Variants in SEL1L observed in about 807,000 individuals in gnomAD.
SEL1L encodes the protein SEL1L adaptor subunit of SYVN1 ubiquitin ligase.
SEL1L carries 52 observed loss-of-function variants against 109.8 expected under a neutral mutation model. The observed-to-expected ratio is 0.47, with a 90% CI of 0.38 to 0.60. The LOEUF (loss-of-function observed/expected upper bound fraction) is 0.60. SEL1L is among the 20% of genes least tolerant of loss of function. The pLI is 0.00. For synonymous variants in SEL1L, 373 were observed against 339.6 expected (o/e 1.10, Z -1.08); for missense variants, 749 against 962.2 (o/e 0.78, Z 2.93).
Position 81,486,469 on chromosome 14 carries a change from G to GAAAAAAAAAA in SEL1L, c.1633-16_1633-15insTTTTTTTTTT. 6.2e-7 allele frequency: 1 copy of GAAAAAAAAAA among 1,600,678 alleles called. No individual in the cohort carries two copies. The highest frequency in any genetic ancestry group is 8.5e-7 in the Non-Finnish European group (1 of 1,174,008). ...TTCTTAAACAACTGTGTGAGGTGGG[G>GAAAAAAAAAA]AAAAAAAATATCAGTAGAAGAAAAT... On this transcript the variant is annotated splice_polypyrimidine_tract_variant and intron_variant, in intron 16 of 20. Coordinates refer to ENST00000336735, the MANE Select transcript of SEL1L (RefSeq NM_005065.6).
At chr14:81,496,054 T>G (rs899442166) in intron 10 of SEL1L, among the ~76,000 whole-genome samples, 7 of 151,700 alleles carry the variant, frequency 4.6e-5, no homozygotes, top group African/African-American at 1.7e-4. Context: ...CCGGGCGCGG[T>G]GCCTCACGCC....
intron 3 of SEL1L, 23 bp from the exon 4 acceptor site, chr14:81,506,264 T>A (rs17847450): frequency 6.5e-7 from 1 of 1,549,084 alleles, no homozygotes; most frequent in Non-Finnish European, 8.7e-7. Flanking sequence ...GAAATAAAAA[T>A]CTAAACATGA....
intron 8 of SEL1L, 103 bp downstream of exon 8, chr14:81,499,356 T>A (rs1228440038): frequency 1.3e-5 from 20 of 1,517,164 alleles, no homozygotes; most frequent in Non-Finnish European, 1.8e-5. Context: ...TTGGTCTTAA[T>A]ACAAGCAAAT....
At chr14:81,507,038 CAT>C (rs950347586) in intron 3 of SEL1L, among the ~76,000 whole-genome samples, 24 of 152,216 alleles carry the variant, frequency 1.6e-4, no homozygotes, top group African/African-American at 5.8e-4. Context: ...ATGAAAGGCT[CAT>C]GGGTGGGGTG....
chr14:81,490,371 C>A lies in SEL1L; in HGVS notation c.1332+17G>T. On this transcript the variant is annotated intron_variant, in intron 13 of 20. Coordinates refer to ENST00000336735, the MANE Select transcript of SEL1L (RefSeq NM_005065.6). ...GTAATATGGTACACATTTCAGTACA[C>A]TGAGACAAAGCCTTACCATGTCAGC... The A allele has an allele frequency of 6.3e-7, 1 of 1,593,666 alleles. No individual in the cohort carries two copies. Among genetic ancestry groups the A allele is most frequent in the Non-Finnish European group, 8.6e-7 (1 of 1,161,862 alleles).
chr14:81,479,680 C>T lies in SEL1L; in HGVS notation c.2107G>A (p.Val703Ile). 1 of 1,614,122 alleles carries T rather than the reference C, an allele frequency of 6.2e-7. No individual in the cohort carries two copies. Among genetic ancestry groups the T allele is most frequent in the Non-Finnish European group, 8.5e-7 (1 of 1,179,986 alleles). ...TTGCAGAGGGCTAGGAAGACTGGAA[C>T]TTGTGCATCTGGGCTGGCTTCAGCT... ...MAAEASPDAQ[V>I]PVFLALCKLG... Residue 703 changes from valine to isoleucine, a missense_variant, in exon 20 of 21, where the codon GTT becomes ATT. By Grantham distance (29) the Val-to-Ile change is conservative. Around this residue, in one of 2 missense-constraint regions of SEL1L, gnomAD observed 383 missense variants for 562.5 expected, o/e 0.68. Coordinates refer to ENST00000336735, the MANE Select transcript of SEL1L (RefSeq NM_005065.6).
At position 81,502,733 on chromosome 14, in the gene SEL1L, G is replaced by A. The variant is rs747475609; in HGVS notation, c.765C>T (p.Pro255=). 3 of 1,613,844 alleles carry A rather than the reference G, an allele frequency of 1.9e-6. No individual in the cohort carries two copies. In the South Asian group the frequency reaches 3.3e-5, roughly 18 times the overall value. ...MFEKLTEEGS[P]KGQTALGFLY... is the part of the protein sequence containing the mutation. ...AGAATGTACTTACAGTCTGTCCCTT[G>A]GGAGAGCCTTCCTCAGTCAGCTTCT... is the stretch of plus-strand genomic sequence containing the variant. Residue 255 remains proline, a synonymous_variant, in exon 6 of 21, where the codon CCC becomes CCT. Coordinates refer to ENST00000336735, the MANE Select transcript of SEL1L (RefSeq NM_005065.6).
Position 81,481,003 on chromosome 14 carries a change from A to G in SEL1L, c.2047-1263T>C, listed in dbSNP as rs572793624. 5.3e-5 allele frequency among the ~76,000 whole-genome samples: 8 copies of G among 152,048 alleles called. No homozygotes were observed. The East Asian group carries it at 1.5e-3, about 29-fold the overall frequency. ...CCTCAAGTGCATTGCCCTGGGGTGT[A>G]GAAACCTCAGGGGCTACCACCGGAA... is the stretch of plus-strand genomic sequence containing the variant. On this transcript the variant is annotated intron_variant, in intron 19 of 20. Coordinates refer to ENST00000336735, the MANE Select transcript of SEL1L (RefSeq NM_005065.6).
chr14:81,488,864 G>C (rs1254558665), intron 14 of SEL1L: 1 of 246,976 alleles, frequency 4.0e-6, no homozygotes, highest in African/African-American at 2.3e-5. Context: ...TAGCTAGAAG[G>C]GGTAAAGGGC....
intron 5 of SEL1L, among the ~76,000 whole-genome samples, chr14:81,503,890 TTTTTG>T (rs1884119511): frequency 6.6e-6 from 1 of 152,188 alleles, no homozygotes; most frequent in Non-Finnish European, 1.5e-5. Context: ...ACAACAATTC[TTTTTG>T]TTTTATGTCA....
intron 3 of SEL1L, among the ~76,000 whole-genome samples, chr14:81,510,536 T>C (rs1316526264): frequency 9.0e-6 from 1 of 111,580 alleles, no homozygotes; most frequent in African/African-American, 3.3e-5. Context: ...ATATAGACAA[T>C]TAAAGGCTAG....
chr14:81,473,581 T>C lies in SEL1L; in HGVS notation c.*3391A>G, dbSNP rs557864617. The C allele has an allele frequency of 6.6e-6, 1 of 152,322 alleles. No individual in the cohort carries two copies. The highest frequency in any genetic ancestry group is 6.5e-5 in the Admixed American group (1 of 15,308). The allele number at this position is 152,322 out of a possible 1,614,324, so 9.4% of individuals were successfully genotyped here. ...CATAATAATGTGTAATACATATATA[T>C]ATTATGAGATTCACTTTCAAAACAA... On this transcript the variant is annotated 3_prime_UTR_variant, in exon 21 of 21. Coordinates refer to ENST00000336735, the MANE Select transcript of SEL1L (RefSeq NM_005065.6).
rs1394320616 is a variant in SEL1L at position 81,502,748 on chromosome 14, A to G, written c.750T>C (p.Thr250=). The change falls in exon 6 of 21, where the codon ACT becomes ACC. Residue 250 remains threonine, a synonymous_variant. Transcript: ENST00000336735. ...QAAREMFEKL[T]EEGSPKGQTA... is the part of the protein sequence containing the mutation. ...TCTGTCCCTTGGGAGAGCCTTCCTC[A>G]GTCAGCTTCTCAAACATCTCTCTCG... 1 of 1,614,068 alleles carries G rather than the reference A, an allele frequency of 6.2e-7. No individual in the cohort carries two copies. The highest frequency in any genetic ancestry group is 1.1e-5 in the South Asian group (1 of 91,064).
rs534202207 is a variant in SEL1L at position 81,527,719 on chromosome 14, A to T, written c.90T>A (p.Asp30Glu). 1 of 1,604,024 alleles carries T rather than the reference A, an allele frequency of 6.2e-7. No individual in the cohort carries two copies. The highest frequency in any genetic ancestry group is 1.3e-5 in the African/African-American group (1 of 74,608). ...TACATACCTTGGAATCTAAGGATTC[A>T]TCCTGGCTGCCTTCTTCATCTGCAA... ...SASSDEEGSQDESLDSKTTLT... is the reference protein window; with the variant it reads ...SASSDEEGSQEESLDSKTTLT... Residue 30 changes from aspartate to glutamate, a missense_variant, in exon 2 of 21, where the codon GAT becomes GAA. By Grantham distance (45) the Asp-to-Glu change is conservative. Transcript: ENST00000336735.
intron 3 of SEL1L, among the ~76,000 whole-genome samples, chr14:81,519,977 C>T (rs1187573067): frequency 2.0e-5 from 3 of 152,126 alleles, no homozygotes; most frequent in African/African-American, 7.2e-5. Context: ...CATACTTCAT[C>T]TCTCAGGCAA....
chr14:81,483,639 C>A (rs1457358340), intron 19 of SEL1L, among the ~76,000 whole-genome samples: 1 of 152,030 alleles, frequency 6.6e-6, no homozygotes, highest in African/African-American at 2.4e-5. Context: ...TATTTAGATT[C>A]TATTGGATAT....
chr14:81,509,192 T>A (rs940644560), intron 3 of SEL1L, among the ~76,000 whole-genome samples: 1 of 152,224 alleles, frequency 6.6e-6, no homozygotes, highest in Non-Finnish European at 1.5e-5. Flanking sequence ...AAATCGATTA[T>A]CTCAAACAGA....
At chr14:81,508,362 A>T (rs546383178) in intron 3 of SEL1L, among the ~76,000 whole-genome samples, 1 of 152,242 alleles carries the variant, frequency 6.6e-6, no homozygotes, top group South Asian at 2.1e-4. Flanking sequence ...CTTTAGCAAC[A>T]ACTTCAGAGG....
In SEL1L at chr14:81,484,132, T is replaced by C. The variant is rs374486932; in HGVS notation, c.2046+93A>G. ...ATAATTTAGTGGCCTGAAATCCAACTGAATGTCAAGGAAAGTCTATTTTCT... is the reference window on the plus strand; with the variant it reads ...ATAATTTAGTGGCCTGAAATCCAACCGAATGTCAAGGAAAGTCTATTTTCT... On this transcript the variant is annotated intron_variant, in intron 19 of 20. Transcript: ENST00000336735. 190 of 1,336,696 alleles carry C rather than the reference T, an allele frequency of 1.4e-4. No individual in the cohort carries two copies. In the African/African-American group the frequency reaches 2.5e-3, roughly 18 times the overall value. The allele number at this position is 1,336,696 out of a possible 1,614,324, so 82.8% of individuals were successfully genotyped here.
Sources: allele counts gnomAD v4.1 joint callset (sites outside exome capture counted in the v4.1 genomes callset), GRCh38; gene constraint gnomAD v4.1.1; regional missense constraint gnomAD v4.1.1; transcripts MANE v1.5; gene names NCBI Gene and HGNC (gene_info 2026-07-23, HGNC 2026-07-21).